Variants in XPR1 observed in about 807,000 individuals in gnomAD.
XPR1 encodes the protein solute carrier family 53 member 1.
Under a neutral mutation model 87.5 loss-of-function variants are expected in XPR1, and 28 were observed. The observed-to-expected ratio is 0.32, with a 90% CI of 0.24 to 0.44. The LOEUF (loss-of-function observed/expected upper bound fraction) is 0.44. Among genes scored for constraint, XPR1 ranks in the 20% least tolerant of loss-of-function variants. The pLI is 1.00. For missense variants in XPR1, 559 were observed against 862.3 expected, an observed-to-expected ratio of 0.65 and a Z score of 4.41; for synonymous variants, 300 against 306.1, an observed-to-expected ratio of 0.98 and a Z score of 0.21.
At chr1:180,750,447 T>C (rs1265205032) in intron 2 of XPR1, among the ~76,000 whole-genome samples, 1 of 152,138 alleles carries the variant, frequency 6.6e-6, no homozygotes, top group Non-Finnish European at 1.5e-5. Flanking sequence ...AAGAATAGCA[T>C]GGAGTAATAG....
chr1:180,804,417 CT>C (rs1219478413), intron 4 of XPR1, among the ~76,000 whole-genome samples: 3 of 152,238 alleles, frequency 2.0e-5, no homozygotes, highest in Non-Finnish European at 4.4e-5. Flanking sequence ...TCCAATTTTA[CT>C]GTCCATGGGC....
intron 11 of XPR1, among the ~76,000 whole-genome samples, chr1:180,840,339 G>T (rs866934303): frequency 2.2e-4 from 34 of 151,548 alleles, no homozygotes; most frequent in Non-Finnish European, 1.8e-4. Context: ...AGGAATTTAT[G>T]CCCTGCTTTT....
At chr1:180,845,990 T>G (rs1273439199) in intron 11 of XPR1, among the ~76,000 whole-genome samples, 1 of 152,232 alleles carries the variant, frequency 6.6e-6, no homozygotes, top group Non-Finnish European at 1.5e-5. Context: ...CTGGGCACGG[T>G]GGCTCACGCC....
chr1:180,661,563 A>G (rs183822638), intron 1 of XPR1, among the ~76,000 whole-genome samples: 1 of 151,122 alleles, frequency 6.6e-6, no homozygotes, highest in East Asian at 1.9e-4. Context: ...TGTAAATATT[A>G]TCTAATAACT....
At chr1:180,833,516 C>CA (rs960033709) in intron 9 of XPR1, among the ~76,000 whole-genome samples, 11 of 149,312 alleles carry the variant, frequency 7.4e-5, no homozygotes, top group South Asian at 2.1e-4. Flanking sequence ...AAAAAAAACA[C>CA]AAAAAAAACA....
chr1:180,669,636 A>G (rs61809312), intron 1 of XPR1, among the ~76,000 whole-genome samples: 8,205 of 152,212 alleles, frequency 0.054, 327 homozygotes, highest in Non-Finnish European at 0.079. Context: ...TGCTGGGATT[A>G]CAGATGTGAG....
intron 13 of XPR1, among the ~76,000 whole-genome samples, chr1:180,877,380 A>G (rs1290960856): frequency 1.3e-5 from 2 of 152,188 alleles, no homozygotes; most frequent in African/African-American, 4.8e-5. Context: ...CCACTCGTGC[A>G]TACCTTGATA....
At chr1:180,638,601 A>G (rs1189554659) in intron 1 of XPR1, among the ~76,000 whole-genome samples, 1 of 152,174 alleles carries the variant, frequency 6.6e-6, no homozygotes. Flanking sequence ...TTCCTTTGCT[A>G]TAGGCTGATT....
intron 7 of XPR1, among the ~76,000 whole-genome samples, chr1:180,823,641 A>T (rs1571870820): frequency 6.6e-6 from 1 of 152,346 alleles, no homozygotes; most frequent in Non-Finnish European, 1.5e-5. Flanking sequence ...TAAGGTATCT[A>T]AAGTATTTGA....
chr1:180,672,579 GTTTA>G (rs1055430369), intron 1 of XPR1, among the ~76,000 whole-genome samples: 1 of 152,092 alleles, frequency 6.6e-6, no homozygotes, highest in Non-Finnish European at 1.5e-5. Flanking sequence ...AAACTGTCCT[GTTTA>G]TTTTAGTATT....
intron 1 of XPR1, among the ~76,000 whole-genome samples, chr1:180,664,998 C>T (rs2101923546): frequency 6.6e-6 from 1 of 152,290 alleles, no homozygotes; most frequent in South Asian, 2.1e-4. Flanking sequence ...CTCACTTGCC[C>T]ACCTCGCACT....
chr1:180,827,898 ACAGGGTCTGGCTCTATTGCC>A (rs1650911304), intron 9 of XPR1, among the ~76,000 whole-genome samples: 1 of 141,622 alleles, frequency 7.1e-6, no homozygotes, highest in African/African-American at 2.6e-5. Flanking sequence ...TTTTTTTGAG[ACAGGGTCTGGCTCTATTGCC>A]CAGGCTGAAG....
intron 11 of XPR1, among the ~76,000 whole-genome samples, chr1:180,847,794 A>G (rs1273211299): frequency 6.6e-6 from 1 of 152,204 alleles, no homozygotes; most frequent in Non-Finnish European, 1.5e-5. Context: ...AAGAAGGCAG[A>G]CACTCTAAAT....
chr1:180,790,257 A>G (rs1437352938), intron 3 of XPR1, among the ~76,000 whole-genome samples: 1 of 152,154 alleles, frequency 6.6e-6, no homozygotes, highest in Non-Finnish European at 1.5e-5. Context: ...TCAACTCTTC[A>G]AGACCTTGCT....
intron 1 of XPR1, among the ~76,000 whole-genome samples, chr1:180,668,123 C>CTTTTTTT (rs758456790): frequency 2.0e-4 from 19 of 94,700 alleles, no homozygotes; most frequent in African/African-American, 3.8e-4. Context: ...TTCCCTCTAT[C>CTTTTTTT]TTTTTTTTTT....
At chr1:180,756,302 A>G (rs1647738099) in intron 2 of XPR1, among the ~76,000 whole-genome samples, 1 of 152,182 alleles carries the variant, frequency 6.6e-6, no homozygotes, top group East Asian at 1.9e-4. Flanking sequence ...CACACTTGTC[A>G]TTTTCTAAGT....
At chr1:180,723,504 T>G (rs1658240950) in intron 2 of XPR1, among the ~76,000 whole-genome samples, 1 of 152,212 alleles carries the variant, frequency 6.6e-6, no homozygotes, top group South Asian at 2.1e-4. Context: ...AGAACTGCTT[T>G]CTTCCTTATA....
intron 7 of XPR1, among the ~76,000 whole-genome samples, chr1:180,813,241 A>G (rs1023482426): frequency 2.0e-5 from 3 of 152,082 alleles, no homozygotes; most frequent in African/African-American, 7.2e-5. Context: ...TTGTGTTAGT[A>G]CTTCTTAGAT....
chr1:180,710,413 A>T (rs1657722841), intron 2 of XPR1, among the ~76,000 whole-genome samples: 1 of 152,042 alleles, frequency 6.6e-6, no homozygotes, highest in Non-Finnish European at 1.5e-5. Context: ...CTTAACGAGC[A>T]TGCTGCCTTC....
Sources: allele counts gnomAD v4.1 joint callset (sites outside exome capture counted in the v4.1 genomes callset), GRCh38; gene constraint gnomAD v4.1.1; transcripts MANE v1.5; gene names NCBI Gene and HGNC (gene_info 2026-07-23, HGNC 2026-07-21).